The following PDE11A variants were observed in gnomAD, a reference collection of about 807,000 sequenced individuals.
The protein encoded by PDE11A is phosphodiesterase 11A.
In PDE11A, 100 loss-of-function variants were observed where a neutral mutation model predicts 100.5. The observed-to-expected ratio is 1.00, with a 90% CI of 0.85 to 1.18. The LOEUF (loss-of-function observed/expected upper bound fraction) is 1.18, where lower values mean the gene tolerates loss of function less well. Ranked by LOEUF, PDE11A falls within the 50% of genes most tolerant of loss-of-function variation. PDE11A has a pLI of 0.00. For missense variants in PDE11A, 1,141 were observed against 1,152.6 expected (o/e 0.99, Z 0.15); for synonymous variants, 381 against 420.8 (o/e 0.91, Z 1.16).
chr2:178,035,051 A>G (rs1393230165), intron 1 of PDE11A, among the ~76,000 whole-genome samples: 1 of 152,194 alleles, frequency 6.6e-6, no homozygotes, highest in African/African-American at 2.4e-5. Context: ...GGATAGAGAC[A>G]TGAAAAACCC....
intron 2 of PDE11A, among the ~76,000 whole-genome samples, chr2:178,002,524 G>C (rs1253426664): frequency 6.6e-6 from 1 of 152,130 alleles, no homozygotes; most frequent in Non-Finnish European, 1.5e-5. Flanking sequence ...CAAGATTATA[G>C]GAAAGTAGCC....
At chr2:177,646,343 A>T (rs991882506) in intron 19 of PDE11A, among the ~76,000 whole-genome samples, 2 of 152,230 alleles carry the variant, frequency 1.3e-5, no homozygotes, top group African/African-American at 4.8e-5. Context: ...AAAGTAAAGC[A>T]CATCTTGCTA....
intron 18 of PDE11A, among the ~76,000 whole-genome samples, chr2:177,668,665 A>T (rs1164108404): frequency 6.6e-6 from 1 of 152,214 alleles, no homozygotes; most frequent in Non-Finnish European, 1.5e-5. Context: ...GCAAAGAAGG[A>T]TGTCTTAAAA....
At chr2:178,036,542 C>CA (rs919223420) in intron 1 of PDE11A, among the ~76,000 whole-genome samples, 58 of 152,072 alleles carry the variant, frequency 3.8e-4, no homozygotes, top group African/African-American at 1.3e-3. Context: ...CATATGGAAC[C>CA]AAAAAAGAAC....
Position 177,970,840 on chromosome 2 carries a change from C to T in PDE11A, c.1071+43462G>A, listed in dbSNP as rs554008644. 5.3e-5 allele frequency among the ~76,000 whole-genome samples: 8 copies of T among 152,226 alleles called. No individual in the cohort carries two copies. In the South Asian group the frequency reaches 1.5e-3, roughly 28 times the overall value. ...TACAACAGGGGAAGACTAAGGCAGG[C>T]AGTCCACCAGAGTCTTACAGCATGG... On this transcript the variant is annotated intron_variant, in intron 2 of 19. Coordinates refer to ENST00000286063, the MANE Select transcript of PDE11A (RefSeq NM_016953.4).
In PDE11A at chr2:177,818,065, T is replaced by A. The variant is rs549820853; in HGVS notation, c.1577-140A>T. ...CTCTGGTCTCTCAAGTGCCTGCCGATTTCATGAGAATAAATCTGAGGTGTA... is the reference window on the plus strand; with the variant it reads ...CTCTGGTCTCTCAAGTGCCTGCCGAATTCATGAGAATAAATCTGAGGTGTA... On this transcript the variant is annotated intron_variant, in intron 7 of 19. Transcript: ENST00000286063. The A allele has an allele frequency of 2.0e-5, 13 of 665,016 alleles. No homozygotes were observed. The East Asian group carries it at 3.6e-4, about 19-fold the overall frequency. The allele number at this position is 665,016 out of a possible 1,614,324, so 41.2% of individuals were successfully genotyped here.
intron 10 of PDE11A, among the ~76,000 whole-genome samples, chr2:177,740,889 G>C (rs1351065321): frequency 6.6e-6 from 1 of 152,190 alleles, no homozygotes; most frequent in African/African-American, 2.4e-5. Context: ...ATAAATGTGG[G>C]TTGGTGGGAT....
chr2:177,716,289 C>T (rs2081436021), intron 12 of PDE11A, among the ~76,000 whole-genome samples: 1 of 152,126 alleles, frequency 6.6e-6, no homozygotes, highest in Admixed American at 6.5e-5. Context: ...TCCATCACTC[C>T]CTCATTCCAC....
intron 4 of PDE11A, among the ~76,000 whole-genome samples, chr2:177,896,429 C>T (rs1489605802): frequency 6.6e-6 from 1 of 152,220 alleles, no homozygotes; most frequent in African/African-American, 2.4e-5. Context: ...AGTGAGCTAG[C>T]AAACAGTGAG....
intron 1 of PDE11A, among the ~76,000 whole-genome samples, chr2:178,039,855 T>A (rs2086662293): frequency 6.6e-6 from 1 of 151,932 alleles, no homozygotes; most frequent in Admixed American, 6.6e-5. Context: ...AAAGAATACA[T>A]GTAGAATGAT....
rs145537570 is a variant in PDE11A at position 177,830,318 on chromosome 2, G to A, written c.1500+9933C>T. Among the ~76,000 whole-genome samples, 712 of 152,210 alleles carry A rather than the reference G, an allele frequency of 4.7e-3. 6 individuals carry two copies. Among genetic ancestry groups the A allele is most frequent in the African/African-American group, 0.016 (682 of 41,534 alleles). ...GTGAGATAATAATCAGTGTTGTTTT[G>A]GCTGGGCGCGGTAGCTCACGCCTGT... On this transcript the variant is annotated intron_variant, in intron 6 of 19. Coordinates refer to ENST00000286063, the MANE Select transcript of PDE11A (RefSeq NM_016953.4).
At chr2:178,026,398 A>G (rs2086478064) in intron 1 of PDE11A, among the ~76,000 whole-genome samples, 1 of 152,208 alleles carries the variant, frequency 6.6e-6, no homozygotes, top group Non-Finnish European at 1.5e-5. Flanking sequence ...GCTGTGGCCA[A>G]CACCTGTAAT....
At chr2:177,697,847 G>C (rs2081136868) in intron 14 of PDE11A, among the ~76,000 whole-genome samples, 1 of 152,196 alleles carries the variant, frequency 6.6e-6, no homozygotes, top group African/African-American at 2.4e-5. Context: ...TGGCATTTTG[G>C]AAACACTTGC....
intron 6 of PDE11A, among the ~76,000 whole-genome samples, chr2:177,822,381 T>C (rs576381597): frequency 5.3e-5 from 8 of 152,112 alleles, no homozygotes; most frequent in African/African-American, 1.9e-4. Context: ...GTGCCATCAT[T>C]TTCATTAATC....
chr2:177,998,178 C>T (rs773446407), intron 2 of PDE11A: 1 of 903,884 alleles, frequency 1.1e-6, no homozygotes, highest in Non-Finnish European at 1.9e-6. Context: ...TTAACCCAGA[C>T]AGTAATTCAT....
intron 1 of PDE11A, among the ~76,000 whole-genome samples, chr2:178,017,183 C>T (rs528344058): frequency 1.1e-4 from 16 of 152,350 alleles, no homozygotes; most frequent in African/African-American, 2.9e-4. Context: ...GTTGTTAAGG[C>T]GCTAAGGCGC....
chr2:177,904,684 A>AT (rs5836633), intron 3 of PDE11A, among the ~76,000 whole-genome samples: 83,085 of 151,000 alleles, frequency 0.55, 24,578 homozygotes, highest in East Asian at 0.74. Flanking sequence ...CCTCCCGAGT[A>AT]GCTGGGACTA....
intron 1 of PDE11A, among the ~76,000 whole-genome samples, chr2:178,037,292 A>T (rs2086626268): frequency 6.6e-6 from 1 of 152,262 alleles, no homozygotes; most frequent in African/African-American, 2.4e-5. Context: ...ACTGGTCATT[A>T]GAGAAATGCA....
chr2:177,823,471 G>A (rs187982514), intron 6 of PDE11A, among the ~76,000 whole-genome samples: 10 of 152,168 alleles, frequency 6.6e-5, no homozygotes, highest in Non-Finnish European at 1.3e-4. Flanking sequence ...CTGGCATTCC[G>A]CTCAGCACTT....
Sources: gnomAD v4.1 joint callset for allele counts (sites outside exome capture counted in the v4.1 genomes callset) on GRCh38, gnomAD v4.1.1 for gene constraint, MANE v1.5 for transcripts, NCBI Gene and HGNC (gene_info 2026-07-23, HGNC 2026-07-21) for gene names.